The following AOAH variants were observed in gnomAD, a reference collection of about 807,000 sequenced individuals.
The protein encoded by AOAH is acyloxyacyl hydrolase (neutrophil).
AOAH carries 64 observed loss-of-function variants against 92.2 expected under a neutral mutation model. That is an observed-to-expected ratio of 0.69 (90% confidence interval 0.57 to 0.86). The LOEUF (loss-of-function observed/expected upper bound fraction) is 0.86. AOAH is among the 40% of genes least tolerant of loss of function. The probability of loss-of-function intolerance (pLI) is 0.00; values close to 1 mark genes in which losing one functional copy is unlikely to be tolerated. For synonymous variants in AOAH, 263 were observed against 254.5 expected (o/e 1.03, Z -0.32); for missense variants, 656 against 694.6 (o/e 0.94, Z 0.62).
chr7:36,635,015 T>C (rs987937191), intron 5 of AOAH, among the ~76,000 whole-genome samples: 1 of 152,180 alleles, frequency 6.6e-6, no homozygotes, highest in Admixed American at 6.5e-5. Flanking sequence ...TTTGATTATC[T>C]GGTCTTTTCA....
chr7:36,721,166 C>T (rs1799610880), intron 1 of AOAH, among the ~76,000 whole-genome samples: 1 of 152,200 alleles, frequency 6.6e-6, no homozygotes, highest in African/African-American at 2.4e-5. Flanking sequence ...CTTGCCAGAA[C>T]TGTCTCCACC....
chr7:36,626,967 C>T (rs1792707840), intron 6 of AOAH, among the ~76,000 whole-genome samples: 1 of 152,208 alleles, frequency 6.6e-6, no homozygotes, highest in African/African-American at 2.4e-5. Flanking sequence ...AAAATTATTT[C>T]TGCAGAATTG....
chr7:36,623,132 A>C, intron 7 of AOAH, 58 bp downstream of exon 7: 1 of 1,396,988 alleles, frequency 7.2e-7, no homozygotes. Flanking sequence ...AAAGGAAAGA[A>C]ATGTGTAGGA....
intron 2 of AOAH, among the ~76,000 whole-genome samples, chr7:36,685,484 A>T (rs1796941882): frequency 6.6e-6 from 1 of 152,192 alleles, no homozygotes; most frequent in Non-Finnish European, 1.5e-5. Flanking sequence ...TAACGGATGA[A>T]GCTATACATT....
intron 1 of AOAH, among the ~76,000 whole-genome samples, chr7:36,701,711 A>T (rs1342567310): frequency 6.6e-6 from 1 of 151,858 alleles, no homozygotes; most frequent in Non-Finnish European, 1.5e-5. Flanking sequence ...TCTCTAGCAG[A>T]CAGAGTATAC....
chr7:36,701,500 A>G (rs1373958161), intron 1 of AOAH, among the ~76,000 whole-genome samples: 1 of 150,466 alleles, frequency 6.6e-6, no homozygotes, highest in Non-Finnish European at 1.5e-5. Flanking sequence ...AAATATAATA[A>G]TTATTATTTC....
chr7:36,718,191 A>G (rs1400201096), intron 1 of AOAH, among the ~76,000 whole-genome samples: 1 of 152,244 alleles, frequency 6.6e-6, no homozygotes, highest in Non-Finnish European at 1.5e-5. Flanking sequence ...CAAATGGCCA[A>G]TAAGCACATG....
intron 3 of AOAH, among the ~76,000 whole-genome samples, chr7:36,671,102 T>C (rs1412115014): frequency 6.6e-6 from 1 of 152,246 alleles, no homozygotes; most frequent in Non-Finnish European, 1.5e-5. Flanking sequence ...AGGCTCCTAC[T>C]AGGTGTATAA....
At chr7:36,702,271 T>A (rs1184012137) in intron 1 of AOAH, among the ~76,000 whole-genome samples, 1 of 152,238 alleles carries the variant, frequency 6.6e-6, no homozygotes, top group African/African-American at 2.4e-5. Flanking sequence ...CATTCCTTCC[T>A]ATGGATGCAA....
intron 13 of AOAH, among the ~76,000 whole-genome samples, chr7:36,557,441 G>C (rs1781218281): frequency 6.6e-6 from 1 of 151,970 alleles, no homozygotes; most frequent in African/African-American, 2.4e-5. Flanking sequence ...TTCAACTTTG[G>C]TGAATCTGAC....
chr7:36,616,034 C>T (rs1374256522), intron 11 of AOAH, among the ~76,000 whole-genome samples: 1 of 152,170 alleles, frequency 6.6e-6, no homozygotes, highest in Non-Finnish European at 1.5e-5. Context: ...CTTGCTTGCT[C>T]AGACGAAAAA....
intron 13 of AOAH, among the ~76,000 whole-genome samples, chr7:36,576,293 A>G (rs1987355): frequency 0.45 from 68,164 of 152,036 alleles, 15,625 homozygotes; most frequent in Admixed American, 0.54. Flanking sequence ...CCTGAGCCTC[A>G]AACATCCTGT....
intron 12 of AOAH, among the ~76,000 whole-genome samples, chr7:36,582,280 G>C (rs548133891): frequency 6.6e-6 from 1 of 152,288 alleles, no homozygotes; most frequent in South Asian, 2.1e-4. Context: ...TAAGTTGAGG[G>C]ATGCACAAGA....
At chr7:36,621,631 G>A in intron 8 of AOAH, 79 bp downstream of exon 8, 2 of 1,335,132 alleles carry the variant, frequency 1.5e-6, no homozygotes, top group Non-Finnish European at 2.2e-6. Flanking sequence ...GAATCCCCTA[G>A]GCTGGGGGAA....
chr7:36,562,628 C>T (rs902443889), intron 13 of AOAH, among the ~76,000 whole-genome samples: 1 of 152,178 alleles, frequency 6.6e-6, no homozygotes, highest in African/African-American at 2.4e-5. Context: ...AAAGGTTTCA[C>T]ATAATCCCAG....
At chr7:36,525,969 T>A (rs377293098) in intron 19 of AOAH, among the ~76,000 whole-genome samples, 1 of 152,100 alleles carries the variant, frequency 6.6e-6, no homozygotes, top group African/African-American at 2.4e-5. Context: ...CTTGCCAAGC[T>A]TTGCGGGGGA....
At position 36,535,298 on chromosome 7, in the gene AOAH, T is replaced by A. The variant is rs549576242; in HGVS notation, c.1307-2954A>T. On this transcript the variant is annotated intron_variant, in intron 16 of 20. Coordinates refer to ENST00000617537, the MANE Select transcript of AOAH (RefSeq NM_001637.4). The stretch of plus-strand genomic sequence containing the variant: ...GGCTTAGTGACGGTTTGCGTCTTCA[T>A]AATCTGTAACTTCTTTAGGGCAGGG... 3.9e-5 allele frequency among the ~76,000 whole-genome samples: 6 copies of A among 152,304 alleles called. No homozygotes were observed. In the East Asian group the frequency reaches 1.2e-3, roughly 29 times the overall value.
At chr7:36,580,315 A>AT in intron 12 of AOAH, among the ~76,000 whole-genome samples, 1 of 151,706 alleles carries the variant, frequency 6.6e-6, no homozygotes, top group African/African-American at 2.4e-5. Context: ...CCTCAACTTT[A>AT]TTTTTTAATC....
chr7:36,678,550 A>AGTGTGTGTGTGTGTGT lies in AOAH; in HGVS notation c.224-4557_224-4542dup, dbSNP rs529261307. 2.8e-3 allele frequency among the ~76,000 whole-genome samples: 338 copies of AGTGTGTGTGTGTGTGT among 118,892 alleles called. 1 individual carries two copies. Among genetic ancestry groups the AGTGTGTGTGTGTGTGT allele is most frequent in the East Asian group, 8.3e-3 (34 of 4,080 alleles). The allele number at this position is 118,892 out of a possible 152,430, so 78.0% of individuals were successfully genotyped here. ...TCATCTTCTTTCTGGTAAGATAAGC[A>AGTGTGTGTGTGTGTGT]GTGTGTGTGTGTGTGTGTGTGTGTG... On this transcript the variant is annotated intron_variant, in intron 2 of 20. Coordinates refer to ENST00000617537, the MANE Select transcript of AOAH (RefSeq NM_001637.4).
Sources: gnomAD v4.1 joint callset for allele counts (sites outside exome capture counted in the v4.1 genomes callset) on GRCh38, gnomAD v4.1.1 for gene constraint, MANE v1.5 for transcripts, NCBI Gene and HGNC (gene_info 2026-07-23, HGNC 2026-07-21) for gene names.